Variants in TAF4 observed in about 807,000 individuals in gnomAD.
TAF4 encodes transcription initiation factor TFIID subunit 4.
In TAF4, 9 loss-of-function variants were observed where a neutral mutation model predicts 90.3. That is an observed-to-expected ratio of 0.10 (90% CI 0.06 to 0.17). The LOEUF (loss-of-function observed/expected upper bound fraction) is 0.17. Among genes scored for constraint, TAF4 ranks in the 10% least tolerant of loss-of-function variants. The pLI is 1.00. For missense variants in TAF4, 1,351 were observed against 1,370.7 expected, an observed-to-expected ratio of 0.99 and a Z score of 0.23; for synonymous variants, 818 against 638.9, an observed-to-expected ratio of 1.28 and a Z score of -4.23.
intron 1 of TAF4, among the ~76,000 whole-genome samples, chr20:62,047,655 G>A: frequency 6.6e-6 from 1 of 152,192 alleles, no homozygotes; most frequent in East Asian, 1.9e-4. Context: ...AAAAAGAGAT[G>A]GAAACGGTGG....
At chr20:62,030,536 C>T (rs1159450495) in intron 1 of TAF4, among the ~76,000 whole-genome samples, 1 of 152,380 alleles carries the variant, frequency 6.6e-6, no homozygotes, top group East Asian at 1.9e-4. Context: ...TGCGGCCTGT[C>T]GTGCCTCGAA....
At chr20:62,044,300 G>A (rs560469464) in intron 1 of TAF4, among the ~76,000 whole-genome samples, 1 of 152,052 alleles carries the variant, frequency 6.6e-6, no homozygotes, top group Non-Finnish European at 1.5e-5. Flanking sequence ...AAAATGTCAA[G>A]GTAAAAATTA....
At chr20:61,993,694 G>C (rs2055645918) in intron 14 of TAF4, among the ~76,000 whole-genome samples, 2 of 152,072 alleles carry the variant, frequency 1.3e-5, no homozygotes, top group South Asian at 4.1e-4. Flanking sequence ...TGATGTGGTG[G>C]GGCACATAAA....
At chr20:61,993,145 A>G (rs2055642384) in intron 14 of TAF4, among the ~76,000 whole-genome samples, 1 of 152,188 alleles carries the variant, frequency 6.6e-6, no homozygotes, top group South Asian at 2.1e-4. Context: ...CCAAAGAGGA[A>G]GTGAGAAGGA....
At chr20:62,011,804 T>C (rs1177332650) in intron 3 of TAF4, among the ~76,000 whole-genome samples, 13 of 152,210 alleles carry the variant, frequency 8.5e-5, no homozygotes, top group Admixed American at 7.9e-4. Context: ...GCCTGGCTCA[T>C]GGCAGGTGCT....
chr20:61,976,090 T>C lies in TAF4; in HGVS notation c.*78A>G. 6.6e-7 allele frequency: 1 copy of C among 1,518,464 alleles called. No individual in the cohort carries two copies. The allele number at this position is 1,518,464 out of a possible 1,614,324, so 94.1% of individuals were successfully genotyped here. ...TCCATTGTAAAGAGGTGGCTGTTTT[T>C]TAAACAATATCCCATTTGCTCGTTA... On this transcript the variant is annotated 3_prime_UTR_variant, in exon 15 of 15. Transcript: ENST00000252996.
In TAF4 at chr20:62,065,734, A is replaced by C; in HGVS notation, c.77T>G (p.Val26Gly). Residue 26 changes from valine to glycine, a missense_variant, in exon 1 of 15, where the codon GTG (valine) becomes GGG (glycine). Physicochemically the swap from Val to Gly is moderately radical, Grantham distance 109. This residue lies in a region of TAF4 where 782 missense variants were observed against 536.6 expected (regional missense o/e 1.46). Coordinates refer to ENST00000252996, the MANE Select transcript of TAF4 (RefSeq NM_003185.4). ...CGCCAGCTGCGACTCCAGCGAGCCCACCAGGTCGCTCACCACTTTCTCGTC... is the reference window on the plus strand; with the variant it reads ...CGCCAGCTGCGACTCCAGCGAGCCCCCCAGGTCGCTCACCACTTTCTCGTC... ...EVDEKVVSDL[V>G]GSLESQLAAS... is the part of the protein sequence containing the mutation. 1 of 1,320,692 alleles carries C rather than the reference A, an allele frequency of 7.6e-7. No homozygotes were observed. The highest frequency in any genetic ancestry group is 9.8e-7 in the Non-Finnish European group (1 of 1,017,448). The allele number at this position is 1,320,692 out of a possible 1,614,324, so 81.8% of individuals were successfully genotyped here. A position where few individuals can be genotyped will look rare whatever the true frequency, so the allele number is the denominator to read the frequency against.
At chr20:62,017,482 CAAA>C (rs66697524) in intron 1 of TAF4, among the ~76,000 whole-genome samples, 1 of 128,032 alleles carries the variant, frequency 7.8e-6, no homozygotes. Context: ...ACTAAAAATA[CAAA>C]AAAAAAAAAA....
chr20:62,029,474 G>A (rs947083840), intron 1 of TAF4, among the ~76,000 whole-genome samples: 6 of 110,492 alleles, frequency 5.4e-5, no homozygotes, highest in African/African-American at 8.9e-5. Context: ...CAGTGCCCAC[G>A]TGCGCGCGCG....
At position 62,010,476 on chromosome 20, in the gene TAF4, A is replaced by G. The variant is rs1282060994; in HGVS notation, c.1642-311T>C. Among the ~76,000 whole-genome samples the G allele has an allele frequency of 1.3e-5, 2 of 152,142 alleles. No individual in the cohort carries two copies. The highest frequency in any genetic ancestry group is 1.3e-4 in the Admixed American group (2 of 15,282). On this transcript the variant is annotated intron_variant, in intron 3 of 14. Transcript: ENST00000252996. This position sits in a 1 kb window ranked among gnomAD's most constrained non-coding sequence, Gnocchi z 4.5. ...CTCAGAAGTCCATGGAAAAAGTCACATAGAGACCAGAGTAAATAATCCTAA... is the reference window on the plus strand; with the variant it reads ...CTCAGAAGTCCATGGAAAAAGTCACGTAGAGACCAGAGTAAATAATCCTAA...
chr20:61,984,317 G>C (rs772109897), intron 14 of TAF4, among the ~76,000 whole-genome samples: 1 of 152,136 alleles, frequency 6.6e-6, no homozygotes, highest in African/African-American at 2.4e-5. Flanking sequence ...TCTCTCACAC[G>C]CAACAGGGGG....
chr20:62,042,454 G>C (rs1362779352), intron 1 of TAF4, among the ~76,000 whole-genome samples: 4 of 152,232 alleles, frequency 2.6e-5, no homozygotes, highest in African/African-American at 9.6e-5. Flanking sequence ...GGGGGAAAAA[G>C]GCTGTCGCCT....
intron 14 of TAF4, chr20:61,980,933 A>T (rs2055537089): frequency 6.6e-6 from 1 of 152,604 alleles, no homozygotes; most frequent in Admixed American, 6.5e-5. Context: ...AGAGGTGTCC[A>T]GGAAGGTCAG....
intron 2 of TAF4, among the ~76,000 whole-genome samples, chr20:62,013,880 G>A (rs2055793976): frequency 1.4e-5 from 2 of 147,626 alleles, no homozygotes; most frequent in South Asian, 4.3e-4. Context: ...CAGGGGTCGG[G>A]AGCTTCGGCC....
intron 1 of TAF4, among the ~76,000 whole-genome samples, chr20:62,044,567 G>A (rs2055982185): frequency 6.6e-6 from 1 of 152,150 alleles, no homozygotes; most frequent in Non-Finnish European, 1.5e-5. Flanking sequence ...AAATTCTAAA[G>A]ACAAAGAGTG....
At chr20:62,055,208 T>C in intron 1 of TAF4, among the ~76,000 whole-genome samples, 1 of 150,370 alleles carries the variant, frequency 6.7e-6, no homozygotes, top group South Asian at 2.1e-4. Context: ...GACAATAGAC[T>C]CACGCTGCCT....
chr20:62,047,708 G>A (rs1046958294), intron 1 of TAF4, among the ~76,000 whole-genome samples: 4 of 152,216 alleles, frequency 2.6e-5, no homozygotes, highest in African/African-American at 9.7e-5. Context: ...AGCGCAGAGC[G>A]CACCGTCAAG....
At chr20:61,976,613 G>A (rs547996774) in intron 14 of TAF4, among the ~76,000 whole-genome samples, 19 of 152,346 alleles carry the variant, frequency 1.2e-4, no homozygotes, top group African/African-American at 3.1e-4. Context: ...GCTGAGGATG[G>A]ACTAGGGGGT....
At chr20:62,063,177 C>T (rs1478818467) in intron 1 of TAF4, among the ~76,000 whole-genome samples, 1 of 152,176 alleles carries the variant, frequency 6.6e-6, no homozygotes, top group African/African-American at 2.4e-5. Context: ...GCCTAGCAGC[C>T]GCCCAGACAG....
Sources: gnomAD v4.1 joint callset for allele counts (sites outside exome capture counted in the v4.1 genomes callset) on GRCh38, gnomAD v4.1.1 for gene constraint, gnomAD v4.1.1 regional missense constraint, Gnocchi (gnomAD v3.1) non-coding constraint, MANE v1.5 for transcripts, NCBI Gene and HGNC (gene_info 2026-07-23, HGNC 2026-07-21) for gene names.